Variants in ERC1 observed in about 807,000 individuals in gnomAD.
The protein encoded by ERC1 is ELKS/RAB6-interacting/CAST family member 1.
In ERC1, 56 loss-of-function variants were observed where a neutral mutation model predicts 132.0. That is an observed-to-expected ratio of 0.42 (90% confidence interval 0.34 to 0.53). ERC1 has a LOEUF of 0.53. ERC1 is among the 20% of genes least tolerant of loss of function. The pLI is 0.03. For missense variants in ERC1, 1,202 were observed against 1,349.9 expected (o/e 0.89, Z 1.72); for synonymous variants, 478 against 476.1 (o/e 1.00, Z -0.05).
chr12:1,028,540 G>A lies in ERC1; in HGVS notation c.637G>A (p.Glu213Lys). The part of the protein sequence containing the change: ...DEASKITIWK[E>K]QYRVVQEENQ... ...AGCTTCCAAAATCACCATTTGGAAGGAACAGTACAGAGTTGTACAGGAGGA... is the reference window on the plus strand; with the variant it reads ...AGCTTCCAAAATCACCATTTGGAAGAAACAGTACAGAGTTGTACAGGAGGA... Residue 213 changes from glutamate to lysine, a missense_variant, in exon 2 of 19, where the codon GAA (glutamate) becomes AAA (lysine). Physicochemically the swap from Glu to Lys is moderately conservative, Grantham distance 56. Transcript: ENST00000360905. 1 of 1,613,812 alleles carries A rather than the reference G, an allele frequency of 6.2e-7. No individual in the cohort carries two copies. The highest frequency in any genetic ancestry group is 8.5e-7 in the Non-Finnish European group (1 of 1,179,980).
Position 1,083,266 on chromosome 12 carries a change from T to G in ERC1, c.772T>G (p.Cys258Gly), listed in dbSNP as rs1371476418. The G allele has an allele frequency of 3.1e-6, 5 of 1,614,024 alleles. No homozygotes were observed. Among genetic ancestry groups the G allele is most frequent in the Non-Finnish European group, 4.2e-6 (5 of 1,180,026 alleles). ...QDSSSRTGEP[C>G]VAELTEENFQ... ...TAGTAGCAGCAGGACTGGCGAACCTTGTGTAGCAGAGCTGACAGAGGAGAA... is the reference window on the plus strand; with the variant it reads ...TAGTAGCAGCAGGACTGGCGAACCTGGTGTAGCAGAGCTGACAGAGGAGAA... Residue 258 changes from cysteine (C) to glycine (G), a missense_variant, in exon 3 of 19, where the codon TGT becomes GGT. Physicochemically the swap from Cys to Gly is radical, Grantham distance 159. Transcript: ENST00000360905.
intron 18 of ERC1, among the ~76,000 whole-genome samples, chr12:1,462,247 G>A (rs1413902534): frequency 6.6e-6 from 1 of 152,052 alleles, no homozygotes; most frequent in Non-Finnish European, 1.5e-5. Context: ...GTGATGAGAG[G>A]GTAAAATGGC....
chr12:1,467,471 C>G (rs2093766455), intron 18 of ERC1, among the ~76,000 whole-genome samples: 1 of 152,040 alleles, frequency 6.6e-6, no homozygotes. Flanking sequence ...TCATTGTATC[C>G]CAGGCCTGAT....
At chr12:1,295,797 A>T (rs1186352104) in intron 15 of ERC1, among the ~76,000 whole-genome samples, 1 of 152,154 alleles carries the variant, frequency 6.6e-6, no homozygotes, top group African/African-American at 2.4e-5. Flanking sequence ...ATCCAAACCT[A>T]TACAAGTTCA....
chr12:1,011,703 T>A (rs1964708112), intron 1 of ERC1, among the ~76,000 whole-genome samples: 1 of 152,114 alleles, frequency 6.6e-6, no homozygotes, highest in Non-Finnish European at 1.5e-5. Flanking sequence ...GAAGGTCAAG[T>A]TGGGCGGATC....
chr12:1,332,073 A>G (rs2154358295), intron 15 of ERC1, among the ~76,000 whole-genome samples: 1 of 151,680 alleles, frequency 6.6e-6, no homozygotes, highest in Admixed American at 6.6e-5. Flanking sequence ...CACTATTCTC[A>G]CCTTCTAAAA....
intron 2 of ERC1, among the ~76,000 whole-genome samples, chr12:1,070,950 A>G (rs1477285796): frequency 6.6e-6 from 1 of 152,208 alleles, no homozygotes; most frequent in African/African-American, 2.4e-5. Flanking sequence ...GGAATCATAC[A>G]GTCTGTACCC....
chr12:1,028,709 T>C, intron 2 of ERC1, 137 bp downstream of exon 2: 2 of 772,990 alleles, frequency 2.6e-6, no homozygotes, highest in Non-Finnish European at 4.0e-6. Context: ...CTGTTTTGTG[T>C]CCTCCATTTC....
intron 15 of ERC1, among the ~76,000 whole-genome samples, chr12:1,320,845 G>A (rs554237911): frequency 8.5e-5 from 13 of 152,256 alleles, no homozygotes; most frequent in Admixed American, 2.0e-4. Context: ...GGGACTACAG[G>A]CGCCCGCCAC....
intron 4 of ERC1, among the ~76,000 whole-genome samples, chr12:1,105,855 A>G (rs1199842439): frequency 6.6e-6 from 1 of 152,204 alleles, no homozygotes; most frequent in Non-Finnish European, 1.5e-5. Flanking sequence ...TTTGCCCATC[A>G]TTGCTGTATA....
chr12:1,104,752 G>A lies in ERC1; in HGVS notation c.1089G>A (p.Glu363=), dbSNP rs753376055. 14 of 1,610,508 alleles carry A rather than the reference G, an allele frequency of 8.7e-6. No individual in the cohort carries two copies. The South Asian group carries it at 1.5e-4, about 18-fold the overall frequency. ...KEKENSMLRE[E]MHRRFENAPD... is the part of the protein sequence containing the mutation. The stretch of plus-strand genomic sequence containing the variant: ...CTCTTTCTGCCTCTTTTCTACAGGA[G>A]ATGCATCGAAGGTTTGAGAATGCTC... Residue 363 remains glutamate (E), a splice_region_variant and synonymous_variant, in exon 4 of 19, where the codon GAG becomes GAA. Coordinates refer to ENST00000360905, the MANE Select transcript of ERC1 (RefSeq NM_178040.4).
chr12:1,285,908 A>T (rs1034519586), intron 14 of ERC1, among the ~76,000 whole-genome samples: 8 of 152,182 alleles, frequency 5.3e-5, no homozygotes, highest in Non-Finnish European at 1.2e-4. Flanking sequence ...AATCAGACCA[A>T]TCCAAAATTA....
Position 1,028,163 on chromosome 12 carries a change from G to T in ERC1, c.260G>T (p.Ser87Ile), listed in dbSNP as rs1225265599. 2 of 1,614,056 alleles carry T rather than the reference G, an allele frequency of 1.2e-6. No individual in the cohort carries two copies. Among genetic ancestry groups the T allele is most frequent in the African/African-American group, 1.3e-5 (1 of 74,902 alleles). The change falls in exon 2 of 19, where the codon AGC becomes ATC. Residue 87 changes from serine to isoleucine, a missense_variant. Coordinates refer to ENST00000360905, the MANE Select transcript of ERC1 (RefSeq NM_178040.4). ...AATGTGGGTTCAGAAACACCTAAAA[G>T]CACCATGACACTTGGCCGTTCTGGG... The part of the protein sequence containing the change: ...HENVGSETPK[S>I]TMTLGRSGGR...
rs1167413720 is a variant in ERC1, at chr12:1,273,289, G to A, written c.2619+10124G>A. 1.8e-4 allele frequency among the ~76,000 whole-genome samples: 27 copies of A among 152,102 alleles called. 1 individual carries two copies. The highest frequency in any genetic ancestry group is 1.7e-3 in the Admixed American group (26 of 15,268). ...TTTTTTCTCTTAAACAGTCACACAT[G>A]CATTTCCTATGTACTGCAAATACCT... On this transcript the variant is annotated intron_variant, in intron 14 of 18. Transcript: ENST00000360905.
chr12:1,455,993 T>G (rs2093525630), intron 18 of ERC1, among the ~76,000 whole-genome samples: 1 of 152,228 alleles, frequency 6.6e-6, no homozygotes, highest in Non-Finnish European at 1.5e-5. Flanking sequence ...ATCTTTCTCA[T>G]AGCTGCAAGT....
At chr12:1,190,269 G>A (rs1955577800) in intron 12 of ERC1, 1 of 679,732 alleles carries the variant, frequency 1.5e-6, no homozygotes, top group South Asian at 1.5e-5. Context: ...GAAGCTATGG[G>A]CTGTAACATA....
At chr12:1,406,465 A>G (rs2154393892) in intron 16 of ERC1, among the ~76,000 whole-genome samples, 1 of 152,348 alleles carries the variant, frequency 6.6e-6, no homozygotes, top group East Asian at 1.9e-4. Context: ...TTTTTAAAAT[A>G]TCCTAGTGTA....
intron 17 of ERC1, among the ~76,000 whole-genome samples, chr12:1,410,685 G>A (rs556439777): frequency 9.4e-4 from 132 of 140,876 alleles, no homozygotes; most frequent in African/African-American, 3.2e-3. Flanking sequence ...AGTCACTTCT[G>A]TAATTTCTTT....
chr12:1,302,464 T>C (rs1566531991), intron 15 of ERC1, among the ~76,000 whole-genome samples: 1 of 152,088 alleles, frequency 6.6e-6, no homozygotes, highest in Non-Finnish European at 1.5e-5. Flanking sequence ...AATACTATAT[T>C]GGAGATCCTA....
Sources: gnomAD v4.1 joint callset for allele counts (sites outside exome capture counted in the v4.1 genomes callset) on GRCh38, gnomAD v4.1.1 for gene constraint, MANE v1.5 for transcripts, NCBI Gene and HGNC (gene_info 2026-07-23, HGNC 2026-07-21) for gene names.